The following PBLD variants were observed in gnomAD, a reference collection of about 807,000 sequenced individuals.
The protein encoded by PBLD is phenazine biosynthesis like protein domain containing.
PBLD carries 26 observed loss-of-function variants against 31.3 expected under a neutral mutation model. That is an observed-to-expected ratio of 0.83 (90% confidence interval 0.61 to 1.15). The LOEUF (loss-of-function observed/expected upper bound fraction) is 1.15, where lower values mean the gene tolerates loss of function less well. PBLD is among the 50% of genes most tolerant of loss of function. The pLI, the probability that PBLD is intolerant of heterozygous loss-of-function variation, is 0.00. For missense variants in PBLD, 307 were observed against 351.7 expected (o/e 0.87, Z 1.02); for synonymous variants, 114 against 129.0 (o/e 0.88, Z 0.79).
intron 1 of PBLD, among the ~76,000 whole-genome samples, chr10:68,313,190 C>T (rs892305367): frequency 6.6e-6 from 1 of 152,192 alleles, no homozygotes; most frequent in African/African-American, 2.4e-5. Flanking sequence ...GCTAGGATTA[C>T]AGGCTTGAGC....
rs1012728262 is a variant in PBLD, at chr10:68,283,332, A to C, written c.*845T>G. On this transcript the variant is annotated 3_prime_UTR_variant, in exon 10 of 10. Transcript: ENST00000358769. ...AGGAAATCACTTCTTAGATACATTA[A>C]AATTACTTCTAAACTTGCCCCCCAC... 1 of 152,214 alleles carries C rather than the reference A, an allele frequency of 6.6e-6. No individual in the cohort carries two copies. Among genetic ancestry groups the C allele is most frequent in the African/African-American group, 2.4e-5 (1 of 41,446 alleles). 9.4% of individuals were successfully genotyped at this position (152,214 alleles called of 1,614,324 possible).
intron 1 of PBLD, chr10:68,331,274 A>G (rs1400920274): frequency 6.6e-6 from 1 of 152,194 alleles, no homozygotes; most frequent in African/African-American, 2.4e-5. Context: ...ATTTTCAACA[A>G]CGCAAAACTA....
intron 1 of PBLD, among the ~76,000 whole-genome samples, chr10:68,330,931 T>G (rs1031348601): frequency 2.0e-5 from 3 of 152,174 alleles, no homozygotes; most frequent in African/African-American, 7.2e-5. Flanking sequence ...CACGGCTCAC[T>G]GCAGCCTCAA....
At chr10:68,296,767 G>A (rs187776745) in intron 3 of PBLD, 119 bp downstream of exon 3, 2 of 864,120 alleles carry the variant, frequency 2.3e-6, no homozygotes, top group East Asian at 2.5e-5. Flanking sequence ...ACTTCGGGAG[G>A]CTGAGGCACA....
At chr10:68,329,235 G>T (rs2044973626) in intron 1 of PBLD, among the ~76,000 whole-genome samples, 1 of 152,126 alleles carries the variant, frequency 6.6e-6, no homozygotes, top group African/African-American at 2.4e-5. Flanking sequence ...AAGGCAAAAG[G>T]AATGTGTAAA....
chr10:68,285,474 T>A (rs1018823302), intron 8 of PBLD, 64 bp from the exon 9 acceptor site: 3 of 1,539,430 alleles, frequency 1.9e-6, no homozygotes, highest in Non-Finnish European at 2.6e-6. Context: ...TGTGGTAAAT[T>A]TCTAAGCAAT....
At chr10:68,326,511 T>C (rs1278153797) in intron 1 of PBLD, among the ~76,000 whole-genome samples, 1 of 152,222 alleles carries the variant, frequency 6.6e-6, no homozygotes, top group African/African-American at 2.4e-5. Context: ...ATAGTTCATA[T>C]GAGTTACAGA....
intron 1 of PBLD, among the ~76,000 whole-genome samples, chr10:68,327,737 T>C (rs2044946752): frequency 6.6e-6 from 1 of 151,658 alleles, no homozygotes; most frequent in South Asian, 2.1e-4. Context: ...TTATCAATGC[T>C]GTATTTTCAA....
At chr10:68,289,799 G>A (rs1328439253) in intron 6 of PBLD, among the ~76,000 whole-genome samples, 1 of 151,996 alleles carries the variant, frequency 6.6e-6, no homozygotes, top group Non-Finnish European at 1.5e-5. Flanking sequence ...GAGCTGTGAG[G>A]ATTAAATAAA....
chr10:68,311,352 T>C (rs2044664688), intron 1 of PBLD, among the ~76,000 whole-genome samples: 1 of 151,936 alleles, frequency 6.6e-6, no homozygotes, highest in Admixed American at 6.6e-5. Context: ...TTTGGGAGGC[T>C]GAGGCAGGTG....
At chr10:68,296,850 C>T in intron 3 of PBLD, 36 bp downstream of exon 3, 1 of 1,539,840 alleles carries the variant, frequency 6.5e-7, no homozygotes. Flanking sequence ...GCCCGTGCGA[C>T]AGAACAGTTC....
At chr10:68,331,308 C>A (rs1267958166) in intron 1 of PBLD, 1 of 152,260 alleles carries the variant, frequency 6.6e-6, no homozygotes, top group Admixed American at 6.5e-5. Flanking sequence ...ACGTCGGCCT[C>A]CACAGGCTAA....
At chr10:68,322,429 G>A (rs1385963843) in intron 1 of PBLD, among the ~76,000 whole-genome samples, 3 of 151,776 alleles carry the variant, frequency 2.0e-5, no homozygotes, top group Admixed American at 6.6e-5. Context: ...GGGAGGCCGA[G>A]GTAGAAGGAT....
At chr10:68,311,578 A>G in intron 1 of PBLD, among the ~76,000 whole-genome samples, 1 of 149,078 alleles carries the variant, frequency 6.7e-6, no homozygotes, top group South Asian at 2.1e-4. Flanking sequence ...AGAGTGAGAC[A>G]CTGTGTCAAA....
chr10:68,326,370 CAT>C (rs2044920681), intron 1 of PBLD, among the ~76,000 whole-genome samples: 1 of 152,076 alleles, frequency 6.6e-6, no homozygotes, highest in Non-Finnish European at 1.5e-5. Context: ...TGGATGGAAA[CAT>C]ATACTGACCT....
At position 68,298,292 on chromosome 10, in the gene PBLD, G is replaced by A. The variant is rs543426326; in HGVS notation, c.85-1307C>T. ...AAAAGAAAAAAGAAAAAGAATGAGG[G>A]CTTTGCAAATGTGGACAATAGTAAC... On this transcript the variant is annotated intron_variant, in intron 2 of 9. Transcript: ENST00000358769. 2.6e-5 allele frequency among the ~76,000 whole-genome samples: 4 copies of A among 151,906 alleles called. No individual in the cohort carries two copies. In the South Asian group the frequency reaches 8.3e-4, roughly 32 times the overall value.
intron 1 of PBLD, among the ~76,000 whole-genome samples, chr10:68,320,820 C>T (rs897964907): frequency 7.1e-6 from 1 of 141,308 alleles, no homozygotes; most frequent in Admixed American, 7.3e-5. Context: ...TGCTCAACCC[C>T]CTTTTTTTTT....
intron 3 of PBLD, 67 bp from the exon 4 acceptor site, chr10:68,296,431 T>C: frequency 8.2e-7 from 1 of 1,216,084 alleles, no homozygotes; most frequent in Non-Finnish European, 1.2e-6. Flanking sequence ...GATTTCTCAT[T>C]TTCTTCTTTC....
intron 2 of PBLD, among the ~76,000 whole-genome samples, chr10:68,298,026 G>T (rs1038029955): frequency 6.6e-6 from 1 of 151,980 alleles, no homozygotes; most frequent in Non-Finnish European, 1.5e-5. Flanking sequence ...AGCATTTTGG[G>T]AGGCCAAGGC....
Sources: gnomAD v4.1 joint callset for allele counts (sites outside exome capture counted in the v4.1 genomes callset) on GRCh38, gnomAD v4.1.1 for gene constraint, MANE v1.5 for transcripts, NCBI Gene and HGNC (gene_info 2026-07-23, HGNC 2026-07-21) for gene names.